The following PHLPP1 variants were observed in gnomAD, a reference collection of about 807,000 sequenced individuals.
The protein encoded by PHLPP1 is PH domain leucine-rich repeat-containing protein phosphatase 1.
PHLPP1 carries 42 observed loss-of-function variants against 117.2 expected under a neutral mutation model. The ratio of observed to expected loss-of-function variants is 0.36; its 90% CI spans 0.28 to 0.46. The LOEUF (loss-of-function observed/expected upper bound fraction) is 0.46, where lower values mean the gene tolerates loss of function less well. Among genes scored for constraint, PHLPP1 ranks in the 20% least tolerant of loss-of-function variants. The pLI is 1.00. For missense variants in PHLPP1, 2,084 were observed against 2,241.9 expected (o/e 0.93, Z 1.42); for synonymous variants, 1,042 against 970.7 (o/e 1.07, Z -1.37).
intron 1 of PHLPP1, among the ~76,000 whole-genome samples, chr18:62,786,094 A>C (rs1913275431): frequency 6.6e-6 from 1 of 152,218 alleles, no homozygotes; most frequent in Non-Finnish European, 1.5e-5. Flanking sequence ...TCCCTTCTGC[A>C]CACTGATGCC....
intron 1 of PHLPP1, among the ~76,000 whole-genome samples, chr18:62,819,811 A>G (rs905402775): frequency 6.6e-6 from 1 of 152,020 alleles, no homozygotes; most frequent in African/African-American, 2.4e-5. Context: ...ACACCTAGCA[A>G]ATTTCTGTAT....
intron 14 of PHLPP1, among the ~76,000 whole-genome samples, chr18:62,969,116 AG>A (rs1281313216): frequency 6.6e-6 from 1 of 151,938 alleles, no homozygotes; most frequent in Non-Finnish European, 1.5e-5. Flanking sequence ...TCTGTTGCCC[AG>A]GCTGATCTTA....
chr18:62,823,970 A>G (rs1039080372), intron 1 of PHLPP1, among the ~76,000 whole-genome samples: 4 of 152,092 alleles, frequency 2.6e-5, no homozygotes, highest in Non-Finnish European at 5.9e-5. Flanking sequence ...CATCTCTACT[A>G]AAAATACAAA....
At chr18:62,729,730 G>C (rs1911176911) in intron 1 of PHLPP1, among the ~76,000 whole-genome samples, 1 of 152,034 alleles carries the variant, frequency 6.6e-6, no homozygotes, top group Non-Finnish European at 1.5e-5. Flanking sequence ...GTATTTGTAT[G>C]TAACAGTGCT....
intron 1 of PHLPP1, among the ~76,000 whole-genome samples, chr18:62,821,556 A>G (rs1790663509): frequency 1.3e-5 from 2 of 149,042 alleles, no homozygotes; most frequent in African/African-American, 4.9e-5. Context: ...ATCCAAAAAA[A>G]AAAAAAAAAA....
chr18:62,817,458 A>C (rs536680164), intron 1 of PHLPP1, among the ~76,000 whole-genome samples: 44 of 152,322 alleles, frequency 2.9e-4, no homozygotes, highest in African/African-American at 1.0e-3. Context: ...AATTGAATTT[A>C]TAGAGATGAA....
chr18:62,898,202 A>C (rs1916618051), intron 6 of PHLPP1, among the ~76,000 whole-genome samples: 1 of 152,198 alleles, frequency 6.6e-6, no homozygotes, highest in Admixed American at 6.5e-5. Context: ...AGTTCCACTT[A>C]AGCTGCCAGC....
Position 62,716,401 on chromosome 18 carries a change from A to C in PHLPP1, c.718A>C (p.Lys240Gln). The change falls in exon 1 of 17, where the codon AAA becomes CAA. Residue 240 changes from lysine to glutamine, a missense_variant. This residue lies in a region of PHLPP1 where 719 missense variants were observed against 636.0 expected (regional missense o/e 1.13). Transcript: ENST00000262719. The surrounding 1 kb of genome is among the most constrained non-coding windows in gnomAD (Gnocchi z 5.7). ...CGCCCGCCTGCTGCAGCTGGGCCACAAAGGCGGCGGCGTGGTGAAGGTGCT... is the reference window on the plus strand; with the variant it reads ...CGCCCGCCTGCTGCAGCTGGGCCACCAAGGCGGCGGCGTGGTGAAGGTGCT... ...VAARLLQLGH[K>Q]GGGVVKVLGQ... The C allele has an allele frequency of 6.8e-7, 1 of 1,477,306 alleles. No individual in the cohort carries two copies. The highest frequency in any genetic ancestry group is 8.9e-7 in the Non-Finnish European group (1 of 1,118,080). The allele number at this position is 1,477,306 out of a possible 1,614,324, so 91.5% of individuals were successfully genotyped here. A position where few individuals can be genotyped will look rare whatever the true frequency, so the allele number is the denominator to read the frequency against.
intron 14 of PHLPP1, among the ~76,000 whole-genome samples, chr18:62,967,848 G>A (rs1220150322): frequency 5.4e-5 from 8 of 149,368 alleles, no homozygotes; most frequent in Admixed American, 4.7e-4. Flanking sequence ...TTTTTAGACA[G>A]CGTTTCACTC....
chr18:62,942,203 C>T (rs1226062339), intron 11 of PHLPP1, among the ~76,000 whole-genome samples: 2 of 151,946 alleles, frequency 1.3e-5, no homozygotes, highest in Admixed American at 1.3e-4. Flanking sequence ...TCTTTTTAAC[C>T]AGTCAGATTA....
intron 1 of PHLPP1, among the ~76,000 whole-genome samples, chr18:62,809,959 A>G (rs983481202): frequency 1.3e-5 from 2 of 152,192 alleles, no homozygotes; most frequent in African/African-American, 4.8e-5. Context: ...AGGTTGCAAA[A>G]GTTTATAAGA....
At chr18:62,822,938 G>A (rs1161656412) in intron 1 of PHLPP1, among the ~76,000 whole-genome samples, 2 of 152,108 alleles carry the variant, frequency 1.3e-5, no homozygotes, top group African/African-American at 4.8e-5. Context: ...AATTGATGTA[G>A]CCTTTTGCCA....
rs778683946 is a variant in PHLPP1 at position 62,941,857 on chromosome 18, G to C, written c.3100G>C (p.Gly1034Arg). The C allele has an allele frequency of 4.3e-6, 7 of 1,613,942 alleles. No homozygotes were observed. Among genetic ancestry groups the C allele is most frequent in the Non-Finnish European group, 5.9e-6 (7 of 1,179,862 alleles). Residue 1034 changes from glycine to arginine, a missense_variant, in exon 11 of 17, where the codon GGA becomes CGA. Around this residue, in one of 2 missense-constraint regions of PHLPP1, gnomAD observed 1,365 missense variants for 1,605.9 expected, o/e 0.85. Transcript: ENST00000262719. ...AGACAAATGTGTGCCCTTGTTAACG[G>C]GACACCCCCATTTGAAGATCCTTCA... is the stretch of plus-strand genomic sequence containing the variant. ...LTDKCVPLLT[G>R]HPHLKILHMA...
At chr18:62,887,953 T>C (rs1916322037) in intron 4 of PHLPP1, among the ~76,000 whole-genome samples, 1 of 152,216 alleles carries the variant, frequency 6.6e-6, no homozygotes, top group African/African-American at 2.4e-5. Context: ...TTGCCCAGGC[T>C]AGTCTTGGAC....
chr18:62,970,757 T>C (rs1911028440), intron 14 of PHLPP1, among the ~76,000 whole-genome samples: 1 of 151,996 alleles, frequency 6.6e-6, no homozygotes, highest in South Asian at 2.1e-4. Flanking sequence ...AGAGTGAGAC[T>C]CCATCTCAAA....
chr18:62,950,083 G>A (rs1910409259), intron 12 of PHLPP1, among the ~76,000 whole-genome samples: 2 of 152,196 alleles, frequency 1.3e-5, no homozygotes, highest in African/African-American at 4.8e-5. Flanking sequence ...GATACCTGCG[G>A]TGAATGAAGT....
chr18:62,810,040 TAA>T (rs1914066750), intron 1 of PHLPP1, among the ~76,000 whole-genome samples: 1 of 152,252 alleles, frequency 6.6e-6, no homozygotes, highest in Admixed American at 6.5e-5. Context: ...TTCTGAGTGC[TAA>T]GAGAGCTTCT....
At chr18:62,935,737 C>T (rs558870003) in intron 10 of PHLPP1, among the ~76,000 whole-genome samples, 87 of 152,336 alleles carry the variant, frequency 5.7e-4, no homozygotes, top group Non-Finnish European at 1.1e-3. Flanking sequence ...GGTGCCATGG[C>T]TCCTGCCTGT....
rs775312104 is a variant in PHLPP1 at position 62,979,111 on chromosome 18, T to C, written c.4834T>C (p.Phe1612Leu). The C allele has an allele frequency of 1.9e-6, 3 of 1,613,868 alleles. No individual in the cohort carries two copies. Among genetic ancestry groups the C allele is most frequent in the Non-Finnish European group, 2.5e-6 (3 of 1,179,780 alleles). ...DEPGLPRKAD[F>L]SAVGTIGRRR... Reference sequence around the variant, plus strand: ...GCCAGGTCTGCCCAGGAAGGCAGACTTCTCTGCCGTTGGGACCATTGGGCG... The same window carrying C: ...GCCAGGTCTGCCCAGGAAGGCAGACCTCTCTGCCGTTGGGACCATTGGGCG... The change falls in exon 17 of 17, where the codon TTC becomes CTC. Residue 1612 changes from phenylalanine (F) to leucine (L), a missense_variant. Coordinates refer to ENST00000262719, the MANE Select transcript of PHLPP1 (RefSeq NM_194449.4).
Sources: gnomAD v4.1 joint callset for allele counts (sites outside exome capture counted in the v4.1 genomes callset) on GRCh38, gnomAD v4.1.1 for gene constraint, gnomAD v4.1.1 regional missense constraint, Gnocchi (gnomAD v3.1) non-coding constraint, MANE v1.5 for transcripts, NCBI Gene and HGNC (gene_info 2026-07-23, HGNC 2026-07-21) for gene names.